Variants in AFDN observed in about 807,000 individuals in gnomAD.
The protein encoded by AFDN is afadin, adherens junction formation factor, also known as afadin.
AFDN carries 68 observed loss-of-function variants against 216.6 expected under a neutral mutation model. That is an observed-to-expected ratio of 0.31 (90% CI 0.26 to 0.38). AFDN has a LOEUF of 0.38. Ranked by LOEUF, AFDN falls within the 10% of genes least tolerant of loss-of-function variation. AFDN has a pLI of 1.00. For synonymous variants in AFDN, 868 were observed against 853.7 expected, an observed-to-expected ratio of 1.02 and a Z score of -0.29; for missense variants, 2,136 against 2,342.0, an observed-to-expected ratio of 0.91 and a Z score of 1.82.
At chr6:167,935,745 T>C (rs2128583751) in intron 23 of AFDN, among the ~76,000 whole-genome samples, 1 of 152,344 alleles carries the variant, frequency 6.6e-6, no homozygotes, top group East Asian at 1.9e-4. Flanking sequence ...ATCTATAATA[T>C]TGTGTTCTCA....
chr6:167,862,826 C>T (rs1783744898), intron 1 of AFDN, among the ~76,000 whole-genome samples: 1 of 152,180 alleles, frequency 6.6e-6, no homozygotes. Flanking sequence ...TCATGTAGCT[C>T]CCATTTTGCC....
chr6:167,955,849 T>C (rs570414205), intron 30 of AFDN, among the ~76,000 whole-genome samples: 43 of 152,146 alleles, frequency 2.8e-4, no homozygotes, highest in Non-Finnish European at 5.3e-4. Flanking sequence ...GGCACAGTGG[T>C]TCATGCCTGT....
In AFDN at chr6:167,969,121, C is replaced by G; in HGVS notation, c.5265C>G (p.Asn1755Lys). Reference sequence around the variant, plus strand: ...GTTTCTTTCATGGAAAAGGACCAAACTCTTACCCAGGATCTACTGGAGCAG... The same window carrying G: ...GTTTCTTTCATGGAAAAGGACCAAAGTCTTACCCAGGATCTACTGGAGCAG... ...EEEDCSLAGP[N>K]SYPGSTGAAV... Residue 1755 changes from asparagine (N) to lysine (K), a missense_variant, in exon 33 of 34, where the codon AAC becomes AAG. Asn to Lys is a moderately conservative substitution (Grantham distance 94). Around this residue, in one of 8 missense-constraint regions of AFDN, gnomAD observed 981 missense variants for 966.0 expected, o/e 1.02. Transcript: ENST00000683244. 2 of 1,613,370 alleles carry G rather than the reference C, an allele frequency of 1.2e-6. No individual in the cohort carries two copies. The highest frequency in any genetic ancestry group is 1.7e-5 in the Admixed American group (1 of 60,022).
rs377239068 is a variant in AFDN, at chr6:167,969,885, A to C, written c.5446A>C (p.Lys1816Gln). The stretch of plus-strand genomic sequence containing the variant: ...AGGTCAAGATGTATCCAATAAAGTG[A>C]AAGCTTCTCGTAAATTAACAGAACT... ...SQGQDVSNKVKASRKLTELEN... is the reference protein window; with the variant it reads ...SQGQDVSNKVQASRKLTELEN... Residue 1816 changes from lysine to glutamine, a missense_variant, in exon 34 of 34, where the codon AAA becomes CAA. Around this residue, in one of 8 missense-constraint regions of AFDN, gnomAD observed 981 missense variants for 966.0 expected, o/e 1.02. Transcript: ENST00000683244. The C allele has an allele frequency of 7.6e-5, 123 of 1,612,232 alleles. No homozygotes were observed. Among genetic ancestry groups the C allele is most frequent in the Middle Eastern group, 4.9e-4 (3 of 6,076 alleles).
intron 1 of AFDN, among the ~76,000 whole-genome samples, chr6:167,855,426 G>C (rs1336239957): frequency 6.6e-6 from 1 of 151,976 alleles, no homozygotes; most frequent in Non-Finnish European, 1.5e-5. Context: ...AGTAAGCCTG[G>C]CCACATTACT....
At chr6:167,959,285 G>A (rs3885059) in intron 30 of AFDN, among the ~76,000 whole-genome samples, 2,488 of 152,314 alleles carry the variant, frequency 0.016, 64 homozygotes, top group African/African-American at 0.057. Context: ...TGAGGACCAG[G>A]TGCTACAGTG....
chr6:167,852,386 A>G (rs1241697654), intron 1 of AFDN, among the ~76,000 whole-genome samples: 1 of 152,112 alleles, frequency 6.6e-6, no homozygotes, highest in Non-Finnish European at 1.5e-5. Context: ...ACTTACCTGT[A>G]TCTTTTACAG....
intron 28 of AFDN, 66 bp downstream of exon 28, chr6:167,948,010 C>G: frequency 8.5e-7 from 1 of 1,176,658 alleles, no homozygotes; most frequent in South Asian, 1.3e-5. Flanking sequence ...CTTTGGACAT[C>G]TCAGTTATCT....
chr6:167,913,807 T>A (rs1482146624), intron 16 of AFDN: 4 of 391,728 alleles, frequency 1.0e-5, no homozygotes, highest in African/African-American at 8.2e-5. Flanking sequence ...TCAGGGTGGC[T>A]GTGGGTAACC....
intron 13 of AFDN, among the ~76,000 whole-genome samples, chr6:167,907,987 C>CA (rs1455906554): frequency 6.6e-6 from 1 of 152,216 alleles, no homozygotes; most frequent in Non-Finnish European, 1.5e-5. Flanking sequence ...GAACCAGCAG[C>CA]ATGATTTGGT....
chr6:167,970,125 T>G lies in AFDN; in HGVS notation c.*190T>G. ...ATTTTATTTTACTTTACCATGAGAT[T>G]GCCATTTATGTAATTTAAACACTGT... On this transcript the variant is annotated 3_prime_UTR_variant, in exon 34 of 34. Coordinates refer to ENST00000683244, the MANE Select transcript of AFDN (RefSeq NM_001386888.1). 3.7e-6 allele frequency: 2 copies of G among 543,404 alleles called. No individual in the cohort carries two copies. The highest frequency in any genetic ancestry group is 6.3e-6 in the Non-Finnish European group (2 of 319,176). The allele number at this position is 543,404 out of a possible 1,614,324, so 33.7% of individuals were successfully genotyped here. A position where few individuals can be genotyped will look rare whatever the true frequency, so the allele number is the denominator to read the frequency against.
intron 31 of AFDN, chr6:167,964,136 A>G (rs961391684): frequency 9.4e-7 from 1 of 1,063,506 alleles, no homozygotes; most frequent in African/African-American, 1.6e-5. Context: ...TGATTATTTG[A>G]AATACACTTG....
chr6:167,953,333 C>T (rs1000459088), intron 30 of AFDN, among the ~76,000 whole-genome samples: 3 of 152,098 alleles, frequency 2.0e-5, no homozygotes, highest in Admixed American at 6.5e-5. Context: ...TCCTTAGATC[C>T]TTGGAGCCCA....
Position 167,864,658 on chromosome 6 carries a change from A to G in AFDN, c.213A>G (p.Val71=). ...RVSSTATTQD[V]IETLAEKFRP... ...CTAGTACTGCCACCACTCAAGATGT[A>G]ATCGAAACGCTCGCGGAGAAATTTC... The change falls in exon 2 of 34, where the codon GTA becomes GTG. Residue 71 remains valine, a synonymous_variant. Transcript: ENST00000683244. 6.2e-7 allele frequency: 1 copy of G among 1,614,208 alleles called. No homozygotes were observed.
At chr6:167,958,363 G>C (rs1250354367) in intron 30 of AFDN, among the ~76,000 whole-genome samples, 1 of 152,212 alleles carries the variant, frequency 6.6e-6, no homozygotes, top group Non-Finnish European at 1.5e-5. Context: ...TGGATCAGGT[G>C]AGAGTGAAGG....
Position 167,918,771 on chromosome 6 carries a change from ACTG to A in AFDN, c.2748_2750del (p.Ala917del), listed in dbSNP as rs1267886128. The stretch of plus-strand genomic sequence containing the variant: ...AAATGTAGTGACTGTGGCTGAAAAC[ACTG>A]CCGATGAGCTGGCCCGCAGTGATGG... On this transcript the variant is annotated inframe_deletion, in exon 21 of 34. Coordinates refer to ENST00000683244, the MANE Select transcript of AFDN (RefSeq NM_001386888.1). 31 of 1,614,040 alleles carry A rather than the reference ACTG, an allele frequency of 1.9e-5. No homozygotes were observed. The highest frequency in any genetic ancestry group is 2.3e-5 in the Non-Finnish European group (27 of 1,179,996).
intron 17 of AFDN, 92 bp downstream of exon 17, chr6:167,914,405 A>G (rs1455047209): frequency 2.7e-6 from 4 of 1,471,134 alleles, no homozygotes; most frequent in East Asian, 4.6e-5. Flanking sequence ...TAAGATTTAT[A>G]TTTACCTTGA....
At chr6:167,897,391 A>G (rs1407911638) in intron 10 of AFDN, among the ~76,000 whole-genome samples, 2 of 152,214 alleles carry the variant, frequency 1.3e-5, no homozygotes, top group Admixed American at 6.5e-5. Context: ...AGAGCTTAAC[A>G]CATTATTTGA....
intron 12 of AFDN, among the ~76,000 whole-genome samples, chr6:167,903,807 C>T (rs1418186110): frequency 1.3e-5 from 2 of 152,194 alleles, no homozygotes; most frequent in Non-Finnish European, 2.9e-5. Flanking sequence ...TCATTCTTGC[C>T]CCTCCCTCCA....
Sources: gnomAD v4.1 joint callset for allele counts (sites outside exome capture counted in the v4.1 genomes callset) on GRCh38, gnomAD v4.1.1 for gene constraint, gnomAD v4.1.1 regional missense constraint, MANE v1.5 for transcripts, NCBI Gene and HGNC (gene_info 2026-07-23, HGNC 2026-07-21) for gene names.